Variants in GRIP1 observed in about 807,000 individuals in gnomAD.
GRIP1 encodes the protein glutamate receptor-interacting protein 1.
Under a neutral mutation model 129.9 loss-of-function variants are expected in GRIP1, and 45 were observed. The observed-to-expected ratio is 0.35, with a 90% CI of 0.27 to 0.44. The LOEUF (loss-of-function observed/expected upper bound fraction) is 0.44, where lower values mean the gene tolerates loss of function less well. GRIP1 is among the 20% of genes least tolerant of loss of function. The pLI is 1.00. For synonymous variants in GRIP1, 530 were observed against 520.8 expected (o/e 1.02, Z -0.24); for missense variants, 1,196 against 1,396.8 (o/e 0.86, Z 2.29).
At chr12:66,357,301 CTGCTGATCTAT>C (rs1421460465) in intron 23 of GRIP1, among the ~76,000 whole-genome samples, 1 of 152,240 alleles carries the variant, frequency 6.6e-6, no homozygotes, top group Middle Eastern at 3.2e-3. Context: ...TCCCCCTGTG[CTGCTGATCTAT>C]TGCTGAAACT....
intron 1 of GRIP1, among the ~76,000 whole-genome samples, chr12:66,638,907 T>C (rs2136074287): frequency 6.6e-6 from 1 of 152,312 alleles, no homozygotes; most frequent in South Asian, 2.1e-4. Flanking sequence ...CTCTGTGCCT[T>C]TGGGCATTTT....
intron 2 of GRIP1, among the ~76,000 whole-genome samples, chr12:66,566,672 T>C (rs1470488654): frequency 6.6e-6 from 1 of 152,222 alleles, no homozygotes; most frequent in African/African-American, 2.4e-5. Flanking sequence ...CTTTTTCTAT[T>C]GATTGAAATA....
At chr12:66,560,304 TAAA>T (rs2062477334) in intron 2 of GRIP1, among the ~76,000 whole-genome samples, 1 of 151,744 alleles carries the variant, frequency 6.6e-6, no homozygotes, top group East Asian at 1.9e-4. Context: ...GCAACCAAAG[TAAA>T]AATGGATAAA....
intron 13 of GRIP1, among the ~76,000 whole-genome samples, chr12:66,441,477 G>C (rs1472821124): frequency 6.6e-6 from 1 of 152,084 alleles, no homozygotes; most frequent in Non-Finnish European, 1.5e-5. Flanking sequence ...ATCCAGCCCA[G>C]ACCCTGAATC....
chr12:66,792,133 C>T (rs2038557686), intron 1 of GRIP1, among the ~76,000 whole-genome samples: 1 of 152,140 alleles, frequency 6.6e-6, no homozygotes, highest in African/African-American at 2.4e-5. Context: ...ATACGCTTAA[C>T]AAAGCAAAAG....
chr12:66,634,476 G>C (rs965015170), intron 1 of GRIP1, among the ~76,000 whole-genome samples: 79 of 152,226 alleles, frequency 5.2e-4, no homozygotes, highest in African/African-American at 1.9e-3. Context: ...CATTTACAGT[G>C]CTTCAGCTAG....
chr12:66,437,626 G>A (rs987207), intron 13 of GRIP1, among the ~76,000 whole-genome samples: 100,666 of 152,054 alleles, frequency 0.66, 34,541 homozygotes, highest in Non-Finnish European at 0.77. Flanking sequence ...TAAGATATTA[G>A]AGTATCCAAT....
chr12:66,687,158 T>C (rs1592743925), intron 1 of GRIP1, among the ~76,000 whole-genome samples: 1 of 152,174 alleles, frequency 6.6e-6, no homozygotes, highest in East Asian at 1.9e-4. Flanking sequence ...CAAATAAAAC[T>C]GTACTGACAA....
chr12:66,367,402 A>C (rs1475165870), intron 23 of GRIP1, among the ~76,000 whole-genome samples: 1 of 152,192 alleles, frequency 6.6e-6, no homozygotes, highest in Non-Finnish European at 1.5e-5. Context: ...TCTATTCTGC[A>C]AAAGAATCCA....
At chr12:66,861,393 A>C (rs1204453021) in intron 1 of GRIP1, among the ~76,000 whole-genome samples, 1 of 152,146 alleles carries the variant, frequency 6.6e-6, no homozygotes, top group Admixed American at 6.6e-5. Flanking sequence ...GATGCTCTCC[A>C]GGAATAATAA....
At chr12:66,773,346 T>A (rs1027857082) in intron 1 of GRIP1, among the ~76,000 whole-genome samples, 2 of 152,330 alleles carry the variant, frequency 1.3e-5, no homozygotes, top group Non-Finnish European at 2.9e-5. Context: ...TTTGGGTATA[T>A]ACCCAGTAAT....
intron 1 of GRIP1, among the ~76,000 whole-genome samples, chr12:66,947,122 C>T (rs1028340600): frequency 3.3e-5 from 5 of 152,084 alleles, no homozygotes; most frequent in Non-Finnish European, 5.9e-5. Context: ...AGCTTATCTC[C>T]GCACTTTTAG....
chr12:66,784,777 G>A (rs777951556), intron 1 of GRIP1, among the ~76,000 whole-genome samples: 2 of 151,916 alleles, frequency 1.3e-5, no homozygotes, highest in Non-Finnish European at 2.9e-5. Context: ...TAGCACTATT[G>A]TACCTCCAAC....
intron 13 of GRIP1, among the ~76,000 whole-genome samples, chr12:66,439,141 A>T (rs1463230018): frequency 6.6e-6 from 1 of 152,198 alleles, no homozygotes; most frequent in Non-Finnish European, 1.5e-5. Flanking sequence ...TGTGCTTGGC[A>T]TGTGCAATTC....
chr12:66,383,451 T>C (rs1276685714), intron 19 of GRIP1, among the ~76,000 whole-genome samples: 1 of 152,196 alleles, frequency 6.6e-6, no homozygotes, highest in Admixed American at 6.5e-5. Context: ...AAGGGAAAAG[T>C]ATTCCAGGAA....
chr12:67,014,157 A>C (rs1232556406), intron 1 of GRIP1, among the ~76,000 whole-genome samples: 1 of 152,192 alleles, frequency 6.6e-6, no homozygotes, highest in Non-Finnish European at 1.5e-5. Context: ...CTTTTCATTT[A>C]CGTAAGCCAA....
intron 1 of GRIP1, among the ~76,000 whole-genome samples, chr12:67,004,105 A>G (rs1245623359): frequency 6.6e-6 from 1 of 152,168 alleles, no homozygotes; most frequent in Non-Finnish European, 1.5e-5. Flanking sequence ...GTCCAGGGTA[A>G]TCTCATCTCA....
chr12:66,832,985 T>A (rs983404508), intron 1 of GRIP1, among the ~76,000 whole-genome samples: 1 of 152,188 alleles, frequency 6.6e-6, no homozygotes, highest in African/African-American at 2.4e-5. Context: ...TTGAGATGTG[T>A]TCCTCCTGGT....
intron 1 of GRIP1, among the ~76,000 whole-genome samples, chr12:67,065,451 G>A (rs1428883790): frequency 6.6e-6 from 1 of 152,192 alleles, no homozygotes; most frequent in African/African-American, 2.4e-5. Flanking sequence ...TATAAAAAAT[G>A]CATGTGTTTT....
Sources: gnomAD v4.1 joint callset for allele counts (sites outside exome capture counted in the v4.1 genomes callset) on GRCh38, gnomAD v4.1.1 for gene constraint, MANE v1.5 for transcripts, NCBI Gene and HGNC (gene_info 2026-07-23, HGNC 2026-07-21) for gene names.